RAP1A: variants seen among roughly 807,000 people sequenced by gnomAD.
RAP1A encodes the protein RAP1A, member of RAS oncogene family, also known as ras-related protein Rap-1A.
RAP1A carries 6 observed loss-of-function variants against 26.4 expected under a neutral mutation model. That is an observed-to-expected ratio of 0.23 (90% CI 0.12 to 0.45). The LOEUF (loss-of-function observed/expected upper bound fraction) is 0.45. Among genes scored for constraint, RAP1A ranks in the 20% least tolerant of loss-of-function variants. RAP1A has a pLI of 0.99. For synonymous variants in RAP1A, 73 were observed against 79.4 expected, an observed-to-expected ratio of 0.92 and a Z score of 0.43; for missense variants, 121 against 217.2, an observed-to-expected ratio of 0.56 and a Z score of 2.78.
At chr1:111,642,733 C>T (rs1004993552) in intron 1 of RAP1A, among the ~76,000 whole-genome samples, 4 of 151,524 alleles carry the variant, frequency 2.6e-5, no homozygotes, top group African/African-American at 7.3e-5. Context: ...GTGATCCACC[C>T]GCCTTGGCCT....
chr1:111,677,763 A>T (rs1349879716), intron 1 of RAP1A, among the ~76,000 whole-genome samples: 1 of 152,236 alleles, frequency 6.6e-6, no homozygotes, highest in Non-Finnish European at 1.5e-5. Flanking sequence ...CTTGGAAGTC[A>T]CATATTTTAG....
chr1:111,705,052 A>C (rs979878661), intron 6 of RAP1A, among the ~76,000 whole-genome samples: 3 of 152,156 alleles, frequency 2.0e-5, no homozygotes, highest in African/African-American at 4.8e-5. Context: ...GCACTCCACT[A>C]TCTTGAAAAC....
rs1352439290 is a variant in RAP1A, at chr1:111,619,884, A to T, written c.-78A>T. On this transcript the variant is annotated 5_prime_UTR_variant, in exon 1 of 8. Transcript: ENST00000369709. ...ACGGCCGAGAGGAGGGAGGAGGAGG[A>T]GGAGGAGGTGGAGGAGGTGGAGGAG... 5.3e-5 allele frequency: 13 copies of T among 243,804 alleles called. No individual in the cohort carries two copies. Among genetic ancestry groups the T allele is most frequent in the Admixed American group, 1.1e-4 (2 of 17,446 alleles). 15.1% of individuals were successfully genotyped at this position (243,804 alleles called of 1,614,324 possible).
At chr1:111,596,226 C>T (rs1028619051) in intron 1 of RAP1A, among the ~76,000 whole-genome samples, 2 of 151,954 alleles carry the variant, frequency 1.3e-5, no homozygotes, top group African/African-American at 4.8e-5. Flanking sequence ...TTTTGAGGAT[C>T]CCTTTAAAAA....
At chr1:111,675,253 G>A (rs373716877) in intron 1 of RAP1A, among the ~76,000 whole-genome samples, 78 of 152,108 alleles carry the variant, frequency 5.1e-4, no homozygotes, top group Middle Eastern at 3.4e-3. Flanking sequence ...AGGCCGAGGC[G>A]GGTGGATCAT....
intron 1 of RAP1A, among the ~76,000 whole-genome samples, chr1:111,577,852 T>C (rs1658177301): frequency 6.6e-6 from 1 of 152,226 alleles, no homozygotes; most frequent in Non-Finnish European, 1.5e-5. Context: ...GCTGTGGGCC[T>C]ATATCCCTCC....
intron 1 of RAP1A, among the ~76,000 whole-genome samples, chr1:111,643,255 A>G (rs1186344563): frequency 2.6e-5 from 4 of 152,204 alleles, no homozygotes; most frequent in Admixed American, 6.5e-5. Context: ...AACAGTCCTT[A>G]GTTCACAAGC....
At chr1:111,644,185 A>AAT (rs3084285) in intron 1 of RAP1A, among the ~76,000 whole-genome samples, 9,310 of 152,266 alleles carry the variant, frequency 0.061, 303 homozygotes, top group South Asian at 0.087. Context: ...TACATGGTTC[A>AAT]ATATATATTT....
intron 1 of RAP1A, among the ~76,000 whole-genome samples, chr1:111,680,948 AC>A (rs1557889684): frequency 6.6e-6 from 1 of 152,212 alleles, no homozygotes; most frequent in African/African-American, 2.4e-5. Flanking sequence ...AAAAACCAGC[AC>A]AAAAATACTG....
chr1:111,677,606 G>T (rs1263756958), intron 1 of RAP1A, among the ~76,000 whole-genome samples: 1 of 152,150 alleles, frequency 6.6e-6, no homozygotes, highest in Non-Finnish European at 1.5e-5. Flanking sequence ...TGGCAAGTTG[G>T]TGCTGGTTCT....
intron 1 of RAP1A, among the ~76,000 whole-genome samples, chr1:111,587,030 C>T (rs1214895896): frequency 6.6e-6 from 1 of 152,120 alleles, no homozygotes; most frequent in East Asian, 1.9e-4. Flanking sequence ...TTCCTTGACT[C>T]CTCAACACCA....
At chr1:111,620,050 C>T (rs867935946) in intron 1 of RAP1A, 116 bp downstream of exon 1, 10 of 393,986 alleles carry the variant, frequency 2.5e-5, no homozygotes, top group African/African-American at 1.7e-4. Context: ...CCCCCTTCCT[C>T]CTCCGCGTTC....
intron 1 of RAP1A, among the ~76,000 whole-genome samples, chr1:111,633,172 G>A (rs1659625114): frequency 1.3e-5 from 2 of 152,078 alleles, no homozygotes; most frequent in African/African-American, 4.8e-5. Flanking sequence ...AACTTTATGT[G>A]ATATTTTGGT....
At chr1:111,687,289 C>A (rs1444581686) in intron 1 of RAP1A, among the ~76,000 whole-genome samples, 4 of 151,088 alleles carry the variant, frequency 2.6e-5, no homozygotes, top group Non-Finnish European at 1.5e-5. Context: ...CTCACTGCAA[C>A]CTCTGTCTCC....
chr1:111,558,224 C>T (rs1032901019), intron 1 of RAP1A, among the ~76,000 whole-genome samples: 5 of 152,172 alleles, frequency 3.3e-5, no homozygotes, highest in African/African-American at 9.7e-5. Flanking sequence ...ACTGCCCAGG[C>T]TGGAGTGCAG....
chr1:111,693,043 G>A (rs1001430052), intron 2 of RAP1A, among the ~76,000 whole-genome samples: 3 of 152,076 alleles, frequency 2.0e-5, no homozygotes, highest in Admixed American at 2.0e-4. Flanking sequence ...AGAGAGAAGA[G>A]CAGAGCCCAG....
intron 1 of RAP1A, among the ~76,000 whole-genome samples, chr1:111,594,381 AAGG>A (rs1246832387): frequency 2.6e-4 from 39 of 152,056 alleles, no homozygotes; most frequent in Non-Finnish European, 2.9e-5. Flanking sequence ...TTGGGAGGCT[AAGG>A]CAAGGGAATT....
At chr1:111,709,803 A>C (rs1392246735) in intron 7 of RAP1A, among the ~76,000 whole-genome samples, 1 of 152,186 alleles carries the variant, frequency 6.6e-6, no homozygotes, top group East Asian at 1.9e-4. Context: ...GCACTCCAAA[A>C]TATGTTTTTG....
chr1:111,601,800 C>T (rs1400829057), intron 1 of RAP1A, among the ~76,000 whole-genome samples: 1 of 152,110 alleles, frequency 6.6e-6, no homozygotes, highest in Non-Finnish European at 1.5e-5. Context: ...CTCATGGGAT[C>T]GCTGGAGGGT....
Sources: gnomAD v4.1 joint callset for allele counts (sites outside exome capture counted in the v4.1 genomes callset) on GRCh38, gnomAD v4.1.1 for gene constraint, MANE v1.5 for transcripts, NCBI Gene and HGNC (gene_info 2026-07-23, HGNC 2026-07-21) for gene names.